BTBD9: variants seen among roughly 807,000 people sequenced by gnomAD.
BTBD9 encodes BTB domain containing 9.
A neutral mutation model predicts 64.3 loss-of-function variants in BTBD9; 49 were observed. That is an observed-to-expected ratio of 0.76 (90% CI 0.61 to 0.97). BTBD9 has a LOEUF of 0.97. Among genes scored for constraint, BTBD9 ranks in the 50% least tolerant of loss-of-function variants. The pLI is 0.00. For synonymous variants in BTBD9, 260 were observed against 274.7 expected (o/e 0.95, Z 0.53); for missense variants, 598 against 762.1 (o/e 0.78, Z 2.53).
chr6:38,552,880 G>A (rs903007425), intron 6 of BTBD9, among the ~76,000 whole-genome samples: 6 of 152,074 alleles, frequency 3.9e-5, no homozygotes, highest in African/African-American at 1.4e-4. Context: ...ATGCATGGGG[G>A]ATTGGTTCCA....
chr6:38,198,257 T>G (rs1373344866), intron 9 of BTBD9, among the ~76,000 whole-genome samples: 1 of 152,082 alleles, frequency 6.6e-6, no homozygotes, highest in Non-Finnish European at 1.5e-5. Flanking sequence ...ATATAAAAAT[T>G]AGTGGGGGAA....
At chr6:38,545,857 C>T (rs756248132) in intron 6 of BTBD9, among the ~76,000 whole-genome samples, 218 of 43,254 alleles carry the variant, frequency 5.0e-3, no homozygotes, top group African/African-American at 0.016. Context: ...CACACACATA[C>T]ACACACACAC....
intron 4 of BTBD9, chr6:38,588,454 C>T (rs1281866029): frequency 1.2e-6 from 1 of 820,706 alleles, no homozygotes; most frequent in Non-Finnish European, 2.1e-6. Context: ...CATGACCCCT[C>T]CTCCAACTGG....
intron 6 of BTBD9, among the ~76,000 whole-genome samples, chr6:38,406,972 C>G (rs1767197857): frequency 6.6e-6 from 1 of 152,146 alleles, no homozygotes; most frequent in Non-Finnish European, 1.5e-5. Context: ...AGTAGCAGAA[C>G]CAGGTCTGGA....
At chr6:38,554,742 A>G (rs906541431) in intron 6 of BTBD9, among the ~76,000 whole-genome samples, 4 of 150,452 alleles carry the variant, frequency 2.7e-5, no homozygotes, top group Admixed American at 6.6e-5. Context: ...TCTAAGACTT[A>G]AAAAAAAAAT....
intron 9 of BTBD9, among the ~76,000 whole-genome samples, chr6:38,215,415 C>T (rs527817273): frequency 3.9e-5 from 6 of 152,136 alleles, no homozygotes; most frequent in Non-Finnish European, 7.3e-5. Flanking sequence ...TTTACCCACG[C>T]GCGAGTGAAC....
At chr6:38,566,301 GA>G (rs1562348680) in intron 6 of BTBD9, among the ~76,000 whole-genome samples, 1 of 151,284 alleles carries the variant, frequency 6.6e-6, no homozygotes, top group African/African-American at 2.4e-5. Flanking sequence ...AAATCTTCTT[GA>G]AAAATCTTAA....
At chr6:38,561,434 C>T (rs1775259747) in intron 6 of BTBD9, among the ~76,000 whole-genome samples, 1 of 151,996 alleles carries the variant, frequency 6.6e-6, no homozygotes, top group African/African-American at 2.4e-5. Context: ...TCCAGGAATC[C>T]CTTTATTTGT....
chr6:38,629,677 C>G lies in BTBD9; in HGVS notation c.-28+10123G>C, dbSNP rs138146869. ...TCTCTACTAAAAATACAAAAATTAG[C>G]TGGGTGTGATGGCATGTGCCTGTAA... On this transcript the variant is annotated intron_variant, in intron 1 of 10. Coordinates refer to ENST00000481247, the MANE Select transcript of BTBD9 (RefSeq NM_001099272.2). Among the ~76,000 whole-genome samples, 288 of 151,930 alleles carry G rather than the reference C, an allele frequency of 1.9e-3. 1 individual carries two copies. The highest frequency in any genetic ancestry group is 6.3e-3 in the African/African-American group (260 of 41,420).
chr6:38,170,445 G>GCCTCCGCCCCTCCTC lies in BTBD9; in HGVS notation c.*4525_*4539dup, dbSNP rs1322184150. On this transcript the variant is annotated 3_prime_UTR_variant, in exon 11 of 11. Transcript: ENST00000481247. ...GACCTACCACAAACAAAGACCTGCTGCCTCCGCCCCTCCTCCCTCCGCCTC... is the reference window on the plus strand; with the variant it reads ...GACCTACCACAAACAAAGACCTGCTGCCTCCGCCCCTCCTCCCTCCGCCCCTCCTCCCTCCGCCTC... 2.0e-5 allele frequency: 3 copies of GCCTCCGCCCCTCCTC among 152,770 alleles called. No individual in the cohort carries two copies. The highest frequency in any genetic ancestry group is 4.4e-5 in the Non-Finnish European group (3 of 68,426). 9.5% of individuals were successfully genotyped at this position (152,770 alleles called of 1,614,324 possible). A position where few individuals can be genotyped will look rare whatever the true frequency, so the allele number is the denominator to read the frequency against.
At chr6:38,377,088 GTATTTCATTTATAACCATCT>G (rs570579966) in intron 6 of BTBD9, among the ~76,000 whole-genome samples, 1 of 152,290 alleles carries the variant, frequency 6.6e-6, no homozygotes, top group South Asian at 2.1e-4. Context: ...TGAACCTACT[GTATTTCATTTATAACCATCT>G]TATTCTGTTC....
chr6:38,322,838 T>C (rs1763287758), intron 7 of BTBD9, among the ~76,000 whole-genome samples: 1 of 152,262 alleles, frequency 6.6e-6, no homozygotes, highest in South Asian at 2.1e-4. Context: ...TTTGACAGTC[T>C]CTGGATCTCA....
chr6:38,345,796 C>A (rs1466653804), intron 6 of BTBD9, among the ~76,000 whole-genome samples: 5 of 152,328 alleles, frequency 3.3e-5, no homozygotes, highest in Middle Eastern at 3.4e-3. Context: ...TTTCACTGGG[C>A]AGCCCTTGAG....
At chr6:38,357,255 T>C (rs1001348454) in intron 6 of BTBD9, among the ~76,000 whole-genome samples, 3 of 152,170 alleles carry the variant, frequency 2.0e-5, no homozygotes, top group African/African-American at 7.2e-5. Flanking sequence ...CAGAGGTACC[T>C]GGTGCCTTTA....
chr6:38,531,654 A>G (rs984461644), intron 6 of BTBD9, among the ~76,000 whole-genome samples: 3 of 152,230 alleles, frequency 2.0e-5, no homozygotes, highest in Non-Finnish European at 4.4e-5. Flanking sequence ...CAGACAGTAT[A>G]AGAAGATATA....
Position 38,519,247 on chromosome 6 carries a change from G to A in BTBD9, c.1154+58353C>T, listed in dbSNP as rs186604444. On this transcript the variant is annotated intron_variant, in intron 6 of 10. Coordinates refer to ENST00000481247, the MANE Select transcript of BTBD9 (RefSeq NM_001099272.2). ...TTTTTTAAAACTTGGGATCATAAGG[G>A]CTCATAAGGATTTGGGTTACACTGT... Among the ~76,000 whole-genome samples, 10 of 152,266 alleles carry A rather than the reference G, an allele frequency of 6.6e-5. No individual in the cohort carries two copies. The East Asian group carries it at 1.9e-3, about 29-fold the overall frequency.
intron 9 of BTBD9, among the ~76,000 whole-genome samples, chr6:38,219,301 A>ATTTTTT (rs11389502): frequency 1.5e-5 from 2 of 136,748 alleles, no homozygotes. Context: ...CACCCAGCTA[A>ATTTTTT]TTTTTTTTTT....
In BTBD9 at chr6:38,184,725, C is replaced by A. The variant is rs1761741477; in HGVS notation, c.1641+7794G>T. 6.6e-6 allele frequency among the ~76,000 whole-genome samples: 1 copy of A among 152,108 alleles called. No homozygotes were observed. Among genetic ancestry groups the A allele is most frequent in the Non-Finnish European group, 1.5e-5 (1 of 68,032 alleles). On this transcript the variant is annotated intron_variant, in intron 10 of 10. Coordinates refer to ENST00000481247, the MANE Select transcript of BTBD9 (RefSeq NM_001099272.2). The surrounding 1 kb of genome is among the most constrained non-coding windows in gnomAD (Gnocchi z 4.4). The stretch of plus-strand genomic sequence containing the variant: ...TGGAATCAGACCTGGGGCAGGGGGA[C>A]CTCGGAAATAATTATCACCATGCCA...
At chr6:38,564,850 C>A (rs1775418596) in intron 6 of BTBD9, among the ~76,000 whole-genome samples, 1 of 152,124 alleles carries the variant, frequency 6.6e-6, no homozygotes, top group Non-Finnish European at 1.5e-5. Context: ...CGAGATTGCA[C>A]TGCTGCACTC....
Sources: allele counts gnomAD v4.1 joint callset (sites outside exome capture counted in the v4.1 genomes callset), GRCh38; gene constraint gnomAD v4.1.1; non-coding constraint Gnocchi (gnomAD v3.1); transcripts MANE v1.5; gene names NCBI Gene and HGNC (gene_info 2026-07-23, HGNC 2026-07-21).